Variants in ZMAT4 observed in about 807,000 individuals in gnomAD.
ZMAT4 encodes the protein zinc finger matrin-type protein 4.
Under a neutral mutation model 28.7 loss-of-function variants are expected in ZMAT4, and 17 were observed. The ratio of observed to expected loss-of-function variants is 0.59; its 90% CI spans 0.41 to 0.89. ZMAT4 has a LOEUF of 0.89. Among genes scored for constraint, ZMAT4 ranks in the 40% least tolerant of loss-of-function variants. The pLI, the probability that ZMAT4 is intolerant of heterozygous loss-of-function variation, is 0.00. For missense variants in ZMAT4, 240 were observed against 283.8 expected (o/e 0.85, Z 1.11); for synonymous variants, 117 against 109.2 (o/e 1.07, Z -0.44).
intron 1 of ZMAT4, among the ~76,000 whole-genome samples, chr8:40,839,473 G>A (rs1816618094): frequency 6.6e-6 from 1 of 152,092 alleles, no homozygotes; most frequent in Admixed American, 6.5e-5. Flanking sequence ...CCACCACCAG[G>A]TATCTACCCA....
chr8:40,774,017 G>A (rs1245254724), intron 2 of ZMAT4, among the ~76,000 whole-genome samples: 1 of 152,178 alleles, frequency 6.6e-6, no homozygotes, highest in East Asian at 1.9e-4. Flanking sequence ...ATTTAACCTT[G>A]TGATGGGAAA....
intron 2 of ZMAT4, among the ~76,000 whole-genome samples, chr8:40,789,979 T>A (rs1814253684): frequency 6.6e-6 from 1 of 152,162 alleles, no homozygotes; most frequent in Non-Finnish European, 1.5e-5. Flanking sequence ...TCATGTACAC[T>A]GCCCCACTTC....
intron 2 of ZMAT4, among the ~76,000 whole-genome samples, chr8:40,774,832 G>A (rs1206578901): frequency 6.6e-6 from 1 of 152,138 alleles, no homozygotes; most frequent in Admixed American, 6.5e-5. Flanking sequence ...TGGATTACAA[G>A]TGACTTTAAG....
At chr8:40,674,623 A>G in intron 5 of ZMAT4, 81 bp downstream of exon 5, 1 of 1,143,334 alleles carries the variant, frequency 8.7e-7, no homozygotes, top group South Asian at 1.4e-5. Flanking sequence ...AGCAAGAAGA[A>G]GAATCATTCC....
At chr8:40,896,045 G>C (rs1193098004) in intron 1 of ZMAT4, among the ~76,000 whole-genome samples, 2 of 152,020 alleles carry the variant, frequency 1.3e-5, no homozygotes, top group Non-Finnish European at 2.9e-5. Context: ...AGAAGAGAAC[G>C]CTGATGGTAT....
intron 5 of ZMAT4, among the ~76,000 whole-genome samples, chr8:40,615,399 G>A (rs567200003): frequency 6.6e-6 from 1 of 152,232 alleles, no homozygotes; most frequent in South Asian, 2.1e-4. Context: ...TGACAATTAT[G>A]TGTCTTGGAG....
chr8:40,879,672 T>G (rs1586211974), intron 1 of ZMAT4, among the ~76,000 whole-genome samples: 1 of 152,172 alleles, frequency 6.6e-6, no homozygotes. Flanking sequence ...AAAGACTCAC[T>G]GTAAAATATT....
At chr8:40,552,069 T>A (rs2118425968) in intron 6 of ZMAT4, among the ~76,000 whole-genome samples, 1 of 152,300 alleles carries the variant, frequency 6.6e-6, no homozygotes, top group South Asian at 2.1e-4. Context: ...TCTAATGCAT[T>A]TTAAATGTCT....
In ZMAT4 at chr8:40,889,175, G is replaced by A. The variant is rs78399454; in HGVS notation, c.-5+8508C>T. Among the ~76,000 whole-genome samples, 480 of 152,326 alleles carry A rather than the reference G, an allele frequency of 3.2e-3. 2 individuals carry two copies. Among genetic ancestry groups the A allele is most frequent in the African/African-American group, 0.011 (455 of 41,570 alleles). ...CTGACCACTGCAGGTGACAGGGCCC[G>A]GAGGTGGGAATGCAGCGAAGAGGAA... On this transcript the variant is annotated intron_variant, in intron 1 of 6. Coordinates refer to ENST00000297737, the MANE Select transcript of ZMAT4 (RefSeq NM_024645.3).
chr8:40,790,007 G>A (rs1033766087), intron 2 of ZMAT4, among the ~76,000 whole-genome samples: 3 of 152,082 alleles, frequency 2.0e-5, no homozygotes, highest in African/African-American at 7.2e-5. Context: ...CCCACCTAAA[G>A]CTTCCCCATG....
At chr8:40,740,786 G>A (rs879458570) in intron 3 of ZMAT4, among the ~76,000 whole-genome samples, 1 of 152,168 alleles carries the variant, frequency 6.6e-6, no homozygotes, top group African/African-American at 2.4e-5. Context: ...TAAAACGAAC[G>A]AACTGGGGGC....
intron 3 of ZMAT4, among the ~76,000 whole-genome samples, chr8:40,754,494 A>G (rs1349621291): frequency 6.6e-6 from 1 of 152,224 alleles, no homozygotes; most frequent in Non-Finnish European, 1.5e-5. Context: ...AATCATGTGT[A>G]GCTGAAGCAA....
intron 6 of ZMAT4, among the ~76,000 whole-genome samples, chr8:40,558,308 A>G (rs532498929): frequency 6.6e-6 from 1 of 152,238 alleles, no homozygotes; most frequent in African/African-American, 2.4e-5. Context: ...ATATTTTCCA[A>G]TGTTCACTCT....
At chr8:40,703,375 T>C (rs1479185399) in intron 3 of ZMAT4, among the ~76,000 whole-genome samples, 1 of 152,206 alleles carries the variant, frequency 6.6e-6, no homozygotes, top group Non-Finnish European at 1.5e-5. Context: ...GTCCATACAA[T>C]GGCATGGTAT....
chr8:40,607,164 G>T (rs1332975161), intron 5 of ZMAT4, among the ~76,000 whole-genome samples: 12 of 109,906 alleles, frequency 1.1e-4, no homozygotes, highest in African/African-American at 4.3e-4. Flanking sequence ...TCACTCTGTT[G>T]CCCAGGCTGG....
chr8:40,767,414 C>T (rs932134563), intron 3 of ZMAT4, among the ~76,000 whole-genome samples: 2 of 152,054 alleles, frequency 1.3e-5, no homozygotes, highest in African/African-American at 4.8e-5. Flanking sequence ...TGTTTATGGT[C>T]CCAGTGCAAT....
intron 2 of ZMAT4, among the ~76,000 whole-genome samples, chr8:40,790,794 C>T (rs543547275): frequency 7.9e-5 from 12 of 152,298 alleles, no homozygotes; most frequent in Non-Finnish European, 1.5e-5. Context: ...TTCTACAATG[C>T]ATTTGAACAT....
chr8:40,809,943 C>T (rs890289433), intron 2 of ZMAT4, among the ~76,000 whole-genome samples: 1 of 151,998 alleles, frequency 6.6e-6, no homozygotes, highest in Non-Finnish European at 1.5e-5. Flanking sequence ...ACTTGGGAGG[C>T]TAAGGCACAA....
chr8:40,729,883 G>A (rs1811464692), intron 3 of ZMAT4, among the ~76,000 whole-genome samples: 1 of 151,998 alleles, frequency 6.6e-6, no homozygotes, highest in Admixed American at 6.6e-5. Flanking sequence ...AGGCCCGCTT[G>A]AGCATATATT....
Sources: allele counts gnomAD v4.1 joint callset (sites outside exome capture counted in the v4.1 genomes callset), GRCh38; gene constraint gnomAD v4.1.1; transcripts MANE v1.5; gene names NCBI Gene and HGNC (gene_info 2026-07-23, HGNC 2026-07-21).